Variants in WIF1 observed in about 807,000 individuals in gnomAD.
WIF1 encodes Wnt inhibitory factor 1.
Under a neutral mutation model 53.5 loss-of-function variants are expected in WIF1, and 35 were observed. The ratio of observed to expected loss-of-function variants is 0.65; its 90% confidence interval spans 0.50 to 0.87. The LOEUF (loss-of-function observed/expected upper bound fraction) is 0.87. Among genes scored for constraint, WIF1 ranks in the 40% least tolerant of loss-of-function variants. WIF1 has a pLI of 0.00. For synonymous variants in WIF1, 171 were observed against 170.4 expected, an observed-to-expected ratio of 1.00 and a Z score of -0.03; for missense variants, 467 against 476.8, an observed-to-expected ratio of 0.98 and a Z score of 0.19.
rs576192913 is a variant in WIF1, at chr12:65,061,112, G to T, written c.826+1369C>A. On this transcript the variant is annotated intron_variant, in intron 7 of 9. Transcript: ENST00000286574. ...TTCAGAGATATCTTTATCCGGGAAG[G>T]GTAATTAATAAGAATAGAAACCACA... 8.6e-4 allele frequency among the ~76,000 whole-genome samples: 131 copies of T among 152,066 alleles called. 1 individual carries two copies. In the South Asian group the frequency reaches 0.026, roughly 30 times the overall value.
At chr12:65,061,606 C>T (rs1003978626) in intron 7 of WIF1, among the ~76,000 whole-genome samples, 9 of 152,268 alleles carry the variant, frequency 5.9e-5, no homozygotes, top group African/African-American at 2.2e-4. Context: ...AATGGCAGAG[C>T]CTGGACAAGC....
At chr12:65,089,161 A>T (rs1050181471) in intron 2 of WIF1, among the ~76,000 whole-genome samples, 3 of 152,142 alleles carry the variant, frequency 2.0e-5, no homozygotes, top group African/African-American at 7.2e-5. Context: ...TGGACTTAAC[A>T]TTGGAAAGAT....
At chr12:65,116,257 A>G (rs1486789597) in intron 2 of WIF1, among the ~76,000 whole-genome samples, 1 of 152,098 alleles carries the variant, frequency 6.6e-6, no homozygotes, top group African/African-American at 2.4e-5. Context: ...GTTAGGAACC[A>G]GGCCGCACAG....
chr12:65,077,850 T>C lies in WIF1; in HGVS notation c.293A>G (p.Glu98Gly), dbSNP rs774707175. 1 of 1,613,060 alleles carries C rather than the reference T, an allele frequency of 6.2e-7. No individual in the cohort carries two copies. Among genetic ancestry groups the C allele is most frequent in the South Asian group, 1.1e-5 (1 of 90,946 alleles). ...NFTWQAAGQA[E>G]YFYEFLSLRS... Reference sequence around the variant, plus strand: ...CAAGGACAGGAATTCATAGAAGTATTCTGCCTACAACCAAAGGCACTGACA... The same window carrying C: ...CAAGGACAGGAATTCATAGAAGTATCCTGCCTACAACCAAAGGCACTGACA... Residue 98 changes from glutamate to glycine, a missense_variant, in exon 3 of 10, where the codon GAA (glutamate) becomes GGA (glycine). Glu to Gly is a moderately conservative substitution (Grantham distance 98). Transcript: ENST00000286574.
chr12:65,053,377 C>G (rs564113069), intron 9 of WIF1, among the ~76,000 whole-genome samples: 2 of 152,086 alleles, frequency 1.3e-5, no homozygotes, highest in African/African-American at 4.8e-5. Context: ...CCCCATAATC[C>G]CCGTGTGTCA....
intron 8 of WIF1, 43 bp from the exon 9 acceptor site, chr12:65,055,256 T>C: frequency 6.3e-7 from 1 of 1,586,654 alleles, no homozygotes; most frequent in Non-Finnish European, 8.6e-7. Flanking sequence ...TGAGCTTTCC[T>C]TTTTCAACAG....
At chr12:65,119,575 C>T (rs1565763222) in intron 2 of WIF1, among the ~76,000 whole-genome samples, 2 of 151,702 alleles carry the variant, frequency 1.3e-5, no homozygotes, top group Admixed American at 1.3e-4. Context: ...AATAAAAGAC[C>T]GAAAAATGTG....
intron 7 of WIF1, among the ~76,000 whole-genome samples, chr12:65,059,094 C>A (rs912440610): frequency 2.6e-5 from 4 of 151,160 alleles, no homozygotes; most frequent in Non-Finnish European, 4.4e-5. Context: ...TGTCTAAAGA[C>A]AAACAGATTT....
At chr12:65,097,523 A>G (rs1403476903) in intron 2 of WIF1, among the ~76,000 whole-genome samples, 1 of 152,204 alleles carries the variant, frequency 6.6e-6, no homozygotes, top group Non-Finnish European at 1.5e-5. Flanking sequence ...TTAGTCTCAG[A>G]AACCAATCTA....
At chr12:65,093,492 T>G (rs539741800) in intron 2 of WIF1, among the ~76,000 whole-genome samples, 27 of 152,340 alleles carry the variant, frequency 1.8e-4, no homozygotes, top group Non-Finnish European at 2.5e-4. Flanking sequence ...TTCTAAAAAT[T>G]GTTTTCTCCA....
At position 65,105,773 on chromosome 12, in the gene WIF1, C is replaced by T. The variant is rs76156926; in HGVS notation, c.288+14644G>A. On this transcript the variant is annotated intron_variant, in intron 2 of 9. Coordinates refer to ENST00000286574, the MANE Select transcript of WIF1 (RefSeq NM_007191.5). ...TCTGCCCCCATGACCCAAACACCTC[C>T]CACTGGGCCCCACCTCCCAACACCG... Among the ~76,000 whole-genome samples, 75 of 152,252 alleles carry T rather than the reference C, an allele frequency of 4.9e-4. No homozygotes were observed. In the East Asian group the frequency reaches 0.013, roughly 27 times the overall value.
At chr12:65,071,117 C>G (rs1482028427) in intron 3 of WIF1, among the ~76,000 whole-genome samples, 1 of 151,038 alleles carries the variant, frequency 6.6e-6, no homozygotes, top group Non-Finnish European at 1.5e-5. Flanking sequence ...ATCCATAATC[C>G]CAGCTACCTG....
At chr12:65,107,444 T>C (rs1364805096) in intron 2 of WIF1, among the ~76,000 whole-genome samples, 1 of 152,128 alleles carries the variant, frequency 6.6e-6, no homozygotes, top group African/African-American at 2.4e-5. Context: ...GCTAACATGC[T>C]GAAACCCTGT....
chr12:65,064,242 C>T (rs887552864), intron 6 of WIF1, among the ~76,000 whole-genome samples: 4 of 152,300 alleles, frequency 2.6e-5, no homozygotes, highest in Non-Finnish European at 4.4e-5. Flanking sequence ...TTGTAGAATT[C>T]GGCAAGGTTG....
chr12:65,055,717 A>G (rs984589068), intron 8 of WIF1, among the ~76,000 whole-genome samples: 2 of 152,194 alleles, frequency 1.3e-5, no homozygotes, highest in Admixed American at 6.5e-5. Flanking sequence ...GGAGGTTTCA[A>G]TGGGCCTAGA....
At chr12:65,079,625 CAAAA>C (rs56249618) in intron 2 of WIF1, among the ~76,000 whole-genome samples, 2 of 67,162 alleles carry the variant, frequency 3.0e-5, no homozygotes, top group Non-Finnish European at 3.5e-5. Context: ...GACTCTGTCT[CAAAA>C]AAAAAAAAAA....
intron 9 of WIF1, among the ~76,000 whole-genome samples, chr12:65,054,895 A>G (rs1882499953): frequency 6.6e-6 from 1 of 152,224 alleles, no homozygotes; most frequent in African/African-American, 2.4e-5. Context: ...TTTACACACT[A>G]AAGCTTAGAC....
intron 2 of WIF1, among the ~76,000 whole-genome samples, chr12:65,107,555 G>A (rs1883369204): frequency 6.6e-6 from 1 of 152,192 alleles, no homozygotes; most frequent in African/African-American, 2.4e-5. Flanking sequence ...AGGAGGTGGA[G>A]GTTGCAGTGA....
chr12:65,065,758 T>C (rs1882678419), intron 6 of WIF1, among the ~76,000 whole-genome samples: 1 of 152,200 alleles, frequency 6.6e-6, no homozygotes, highest in Admixed American at 6.6e-5. Context: ...TCATTAAATA[T>C]ACAAATTTCA....
Sources: gnomAD v4.1 joint callset for allele counts (sites outside exome capture counted in the v4.1 genomes callset) on GRCh38, gnomAD v4.1.1 for gene constraint, MANE v1.5 for transcripts, NCBI Gene and HGNC (gene_info 2026-07-23, HGNC 2026-07-21) for gene names.